The following EDIL3 variants were observed in gnomAD, a reference collection of about 807,000 sequenced individuals.
The protein encoded by EDIL3 is EGF like and discoidin domains 3.
Under a neutral mutation model 67.4 loss-of-function variants are expected in EDIL3, and 37 were observed. The ratio of observed to expected loss-of-function variants is 0.55; its 90% confidence interval spans 0.42 to 0.72. EDIL3 has a LOEUF of 0.72. Ranked by LOEUF, EDIL3 falls within the 30% of genes least tolerant of loss-of-function variation. The pLI is 0.00. For synonymous variants in EDIL3, 195 were observed against 196.3 expected, an observed-to-expected ratio of 0.99 and a Z score of 0.05; for missense variants, 527 against 586.3, an observed-to-expected ratio of 0.90 and a Z score of 1.04.
chr5:83,995,553 T>C (rs1745224598), intron 9 of EDIL3, among the ~76,000 whole-genome samples: 1 of 152,188 alleles, frequency 6.6e-6, no homozygotes, highest in Non-Finnish European at 1.5e-5. Context: ...TCCATTTTCA[T>C]ATACTCTTAA....
At chr5:84,252,714 G>T (rs1745048313) in intron 2 of EDIL3, among the ~76,000 whole-genome samples, 1 of 151,858 alleles carries the variant, frequency 6.6e-6, no homozygotes, top group Non-Finnish European at 1.5e-5. Context: ...GGGTATTTAT[G>T]ACTCTAATTT....
At chr5:84,144,317 G>T (rs1224338326) in intron 4 of EDIL3, among the ~76,000 whole-genome samples, 3 of 130,542 alleles carry the variant, frequency 2.3e-5, no homozygotes, top group Non-Finnish European at 4.7e-5. Context: ...TTCTTTCCAT[G>T]CATCCATCCA....
chr5:83,964,665 T>C (rs1448940755), intron 9 of EDIL3, among the ~76,000 whole-genome samples: 1 of 152,044 alleles, frequency 6.6e-6, no homozygotes, highest in Non-Finnish European at 1.5e-5. Flanking sequence ...CCTGTGAATA[T>C]TCAATATTTT....
chr5:84,209,301 A>T (rs1744065142), intron 3 of EDIL3, among the ~76,000 whole-genome samples: 1 of 152,034 alleles, frequency 6.6e-6, no homozygotes, highest in Non-Finnish European at 1.5e-5. Flanking sequence ...GGTGCAGCAC[A>T]CCAGCATGGC....
chr5:84,132,310 TATTATA>T (rs2098149491), intron 5 of EDIL3, among the ~76,000 whole-genome samples: 1 of 99,444 alleles, frequency 1.0e-5, no homozygotes, highest in Non-Finnish European at 1.9e-5. Context: ...ATATAATATA[TATTATA>T]TATATTTTAT....
chr5:84,378,803 A>G (rs969563350), intron 1 of EDIL3, among the ~76,000 whole-genome samples: 2 of 152,334 alleles, frequency 1.3e-5, no homozygotes, highest in South Asian at 2.1e-4. Context: ...GAGTTGCTCC[A>G]TGATTTAGAT....
At chr5:84,158,422 A>C (rs1363920923) in intron 4 of EDIL3, among the ~76,000 whole-genome samples, 1 of 152,058 alleles carries the variant, frequency 6.6e-6, no homozygotes, top group East Asian at 1.9e-4. Flanking sequence ...CTACATATCT[A>C]AATATGTCAG....
chr5:84,333,336 G>A (rs1475524969), intron 1 of EDIL3, among the ~76,000 whole-genome samples: 2 of 151,988 alleles, frequency 1.3e-5, no homozygotes, highest in Admixed American at 6.6e-5. Flanking sequence ...AAGAAGCAGA[G>A]CTTCCTAGGG....
At chr5:84,352,184 G>A (rs1485857836) in intron 1 of EDIL3, among the ~76,000 whole-genome samples, 2 of 152,004 alleles carry the variant, frequency 1.3e-5, no homozygotes, top group African/African-American at 4.8e-5. Context: ...TTATACATTG[G>A]TGAAATGTAA....
chr5:84,157,330 T>C (rs1206973241), intron 4 of EDIL3, among the ~76,000 whole-genome samples: 1 of 151,840 alleles, frequency 6.6e-6, no homozygotes, highest in African/African-American at 2.4e-5. Context: ...ATTAAAAAAA[T>C]GGGGGATTTA....
At chr5:84,041,135 T>TA (rs36023168) in intron 9 of EDIL3, among the ~76,000 whole-genome samples, 85 of 143,756 alleles carry the variant, frequency 5.9e-4, no homozygotes, top group East Asian at 1.2e-3. Context: ...TGTCTCAAAA[T>TA]AAAAAAAAAA....
At chr5:84,304,831 T>C (rs1158204316) in intron 1 of EDIL3, among the ~76,000 whole-genome samples, 2 of 152,196 alleles carry the variant, frequency 1.3e-5, no homozygotes, top group Non-Finnish European at 2.9e-5. Context: ...AGGAAAACTT[T>C]CACTTTTTAA....
chr5:84,128,948 C>T (rs1384602919), intron 5 of EDIL3, among the ~76,000 whole-genome samples: 1 of 152,044 alleles, frequency 6.6e-6, no homozygotes, highest in Non-Finnish European at 1.5e-5. Context: ...CAATTAAATA[C>T]AAAACTGTCA....
intron 9 of EDIL3, among the ~76,000 whole-genome samples, chr5:84,007,314 G>A (rs115943626): frequency 1.7e-3 from 261 of 152,142 alleles, no homozygotes; most frequent in Middle Eastern, 6.8e-3. Context: ...AGCAAAGGAA[G>A]CAATCAACGA....
At chr5:83,994,127 T>C (rs1745196543) in intron 9 of EDIL3, among the ~76,000 whole-genome samples, 1 of 152,164 alleles carries the variant, frequency 6.6e-6, no homozygotes, top group South Asian at 2.1e-4. Context: ...TGTTTTTGTG[T>C]ACATAGGCAT....
intron 4 of EDIL3, among the ~76,000 whole-genome samples, chr5:84,151,136 T>C (rs1748381204): frequency 6.6e-6 from 1 of 152,128 alleles, no homozygotes; most frequent in Admixed American, 6.6e-5. Flanking sequence ...ACATATCATA[T>C]TGTACATTTT....
At chr5:84,159,093 C>A (rs1748543078) in intron 4 of EDIL3, among the ~76,000 whole-genome samples, 1 of 151,974 alleles carries the variant, frequency 6.6e-6, no homozygotes, top group Admixed American at 6.6e-5. Context: ...CATACACAAC[C>A]AAGTGGAAAC....
chr5:84,294,952 T>G (rs1746013447), intron 1 of EDIL3, among the ~76,000 whole-genome samples: 1 of 152,136 alleles, frequency 6.6e-6, no homozygotes, highest in East Asian at 1.9e-4. Context: ...GACAGTAAAC[T>G]GAATGCAATA....
intron 1 of EDIL3, among the ~76,000 whole-genome samples, chr5:84,378,544 TTA>T (rs1296637220): frequency 6.6e-6 from 1 of 152,198 alleles, no homozygotes; most frequent in African/African-American, 2.4e-5. Context: ...TGGATTCAGT[TTA>T]TAGAGGACCC....
Sources: allele counts gnomAD v4.1 joint callset (sites outside exome capture counted in the v4.1 genomes callset), GRCh38; gene constraint gnomAD v4.1.1; transcripts MANE v1.5; gene names NCBI Gene and HGNC (gene_info 2026-07-23, HGNC 2026-07-21).